NKAIN3: variants seen among roughly 807,000 people sequenced by gnomAD.
NKAIN3 encodes the protein sodium/potassium-transporting ATPase subunit beta-1-interacting protein 3.
NKAIN3 carries 25 observed loss-of-function variants against 30.2 expected under a neutral mutation model. The observed-to-expected ratio is 0.83, with a 90% CI of 0.60 to 1.16. The LOEUF (loss-of-function observed/expected upper bound fraction) is 1.16, where lower values mean the gene tolerates loss of function less well. NKAIN3 is among the 50% of genes most tolerant of loss of function. NKAIN3 has a pLI of 0.00. For synonymous variants in NKAIN3, 91 were observed against 89.6 expected, an observed-to-expected ratio of 1.02 and a Z score of -0.09; for missense variants, 225 against 254.1, an observed-to-expected ratio of 0.89 and a Z score of 0.78.
chr8:62,499,760 T>G (rs997418094), intron 1 of NKAIN3, among the ~76,000 whole-genome samples: 1 of 152,120 alleles, frequency 6.6e-6, no homozygotes, highest in African/African-American at 2.4e-5. Flanking sequence ...AATAAAACCT[T>G]GAAACCAGAG....
At chr8:62,988,128 C>T (rs1021330051), downstream of NKAIN3, among the ~76,000 whole-genome samples, 13 of 152,238 alleles carry the variant, frequency 8.5e-5, no homozygotes, top group East Asian at 3.9e-4. Flanking sequence ...AAGAGGTGGG[C>T]TCCCACAGCC....
chr8:62,986,820 T>C (rs1020268207), downstream of NKAIN3, among the ~76,000 whole-genome samples: 3 of 152,214 alleles, frequency 2.0e-5, no homozygotes, highest in Non-Finnish European at 4.4e-5. Context: ...TCACCCTGCT[T>C]AAAATCTTGA....
downstream of NKAIN3, among the ~76,000 whole-genome samples, chr8:62,985,978 G>T (rs1824191775): frequency 6.6e-6 from 1 of 152,140 alleles, no homozygotes; most frequent in Non-Finnish European, 1.5e-5. Flanking sequence ...GTCTCAGAGT[G>T]TCTATCTACT....
At chr8:62,736,509 C>A (rs2130557553) in intron 3 of NKAIN3, among the ~76,000 whole-genome samples, 1 of 152,252 alleles carries the variant, frequency 6.6e-6, no homozygotes, top group African/African-American at 2.4e-5. Flanking sequence ...AGCACCAAAG[C>A]CCCGACTCAC....
intron 1 of NKAIN3, among the ~76,000 whole-genome samples, chr8:62,510,068 A>T (rs1287989538): frequency 6.6e-6 from 1 of 152,098 alleles, no homozygotes; most frequent in Non-Finnish European, 1.5e-5. Flanking sequence ...TCATGAAGGA[A>T]GTGACATTTT....
At chr8:62,750,992 G>A (rs1816262679) in intron 4 of NKAIN3, among the ~76,000 whole-genome samples, 1 of 152,090 alleles carries the variant, frequency 6.6e-6, no homozygotes, top group Non-Finnish European at 1.5e-5. Flanking sequence ...CTCCCTGTAA[G>A]ATGATCACAA....
At chr8:62,765,358 G>A (rs1816805174) in intron 4 of NKAIN3, among the ~76,000 whole-genome samples, 1 of 151,060 alleles carries the variant, frequency 6.6e-6, no homozygotes, top group South Asian at 2.1e-4. Context: ...GCAAATCATA[G>A]AAAGATTTCA....
intron 1 of NKAIN3, among the ~76,000 whole-genome samples, chr8:62,548,333 T>C (rs540164733): frequency 6.6e-6 from 1 of 152,220 alleles, no homozygotes; most frequent in Non-Finnish European, 1.5e-5. Context: ...GGAGCATGTG[T>C]TAAGAATGGT....
In NKAIN3 at chr8:62,814,731, A is replaced by G. The variant is rs544908651; in HGVS notation, c.471+67602A>G. Among the ~76,000 whole-genome samples the G allele has an allele frequency of 2.2e-3, 331 of 152,224 alleles. 2 individuals carry two copies. Among genetic ancestry groups the G allele is most frequent in the Non-Finnish European group, 2.4e-3 (166 of 68,008 alleles). ...AGAATCTCTGGGACACATTCAAAGC[A>G]GTGTGTAGAGGGAAATTTATAGCAC... On this transcript the variant is annotated intron_variant, in intron 4 of 6. Transcript: ENST00000623646.
At chr8:62,291,543 A>T (rs1339432644) in intron 1 of NKAIN3, among the ~76,000 whole-genome samples, 1 of 151,976 alleles carries the variant, frequency 6.6e-6, no homozygotes. Context: ...TGTAGTTTAG[A>T]TGTTTTGAGT....
intron 1 of NKAIN3, among the ~76,000 whole-genome samples, chr8:62,257,425 T>C (rs1812298080): frequency 6.6e-6 from 1 of 152,216 alleles, no homozygotes; most frequent in Non-Finnish European, 1.5e-5. Flanking sequence ...TTTTTAATTC[T>C]TTAGGTTGAA....
At chr8:62,580,038 CTT>C (rs1810242309) in intron 2 of NKAIN3, among the ~76,000 whole-genome samples, 1 of 152,192 alleles carries the variant, frequency 6.6e-6, no homozygotes, top group Non-Finnish European at 1.5e-5. Context: ...TTTATCATAA[CTT>C]TCAGTGACAT....
intron 1 of NKAIN3, among the ~76,000 whole-genome samples, chr8:62,357,948 A>G (rs535966007): frequency 8.7e-4 from 133 of 152,288 alleles, no homozygotes; most frequent in African/African-American, 3.1e-3. Flanking sequence ...TCATCAGGCT[A>G]TTTGTTCTTT....
intron 4 of NKAIN3, among the ~76,000 whole-genome samples, chr8:62,857,295 G>T (rs193231021): frequency 1.3e-5 from 2 of 151,928 alleles, no homozygotes; most frequent in African/African-American, 2.4e-5. Context: ...GTTTCATTTC[G>T]ACCTTAGAGA....
intron 3 of NKAIN3, among the ~76,000 whole-genome samples, chr8:62,715,622 A>G (rs981595823): frequency 6.6e-6 from 1 of 152,150 alleles, no homozygotes; most frequent in Admixed American, 6.5e-5. Context: ...TAAAGTGCTA[A>G]CAACTGTGTC....
intron 1 of NKAIN3, among the ~76,000 whole-genome samples, chr8:62,496,300 G>A (rs1807236155): frequency 2.0e-5 from 3 of 152,194 alleles, no homozygotes; most frequent in Admixed American, 6.5e-5. Context: ...AACTGATGGA[G>A]CCAAGATTCT....
intron 3 of NKAIN3, among the ~76,000 whole-genome samples, chr8:62,639,108 A>C (rs1812226619): frequency 6.6e-6 from 1 of 152,194 alleles, no homozygotes; most frequent in Non-Finnish European, 1.5e-5. Flanking sequence ...GAACTGAGTG[A>C]GATCACTGTA....
rs73684991 is a variant in NKAIN3 at position 62,414,921 on chromosome 8, T to G, written c.55-164618T>G. On this transcript the variant is annotated intron_variant, in intron 1 of 6. Transcript: ENST00000623646. Reference sequence around the variant, plus strand: ...ACACTTTCAAGTCAATCATTCACTGTGTAGGATTAAGATCATGTGTTTTGA... The same window carrying G: ...ACACTTTCAAGTCAATCATTCACTGGGTAGGATTAAGATCATGTGTTTTGA... 5.3e-3 allele frequency among the ~76,000 whole-genome samples: 802 copies of G among 151,340 alleles called. 6 individuals are homozygous for G. Among genetic ancestry groups the G allele is most frequent in the African/African-American group, 0.018 (756 of 41,306 alleles).
intron 1 of NKAIN3, among the ~76,000 whole-genome samples, chr8:62,350,403 G>A (rs77636065): frequency 0.04 from 6,080 of 152,174 alleles, 434 homozygotes; most frequent in African/African-American, 0.14. Context: ...GTTATATGAG[G>A]TACCTAGAGT....
Sources: gnomAD v4.1 joint callset for allele counts (sites outside exome capture counted in the v4.1 genomes callset) on GRCh38, gnomAD v4.1.1 for gene constraint, MANE v1.5 for transcripts, NCBI Gene and HGNC (gene_info 2026-07-23, HGNC 2026-07-21) for gene names.